Variants in FTO observed in about 807,000 individuals in gnomAD.
FTO encodes the protein FTO alpha-ketoglutarate dependent dioxygenase, also known as alpha-ketoglutarate-dependent dioxygenase FTO.
FTO carries 47 observed loss-of-function variants against 63.9 expected under a neutral mutation model. That is an observed-to-expected ratio of 0.74 (90% CI 0.58 to 0.94). The LOEUF (loss-of-function observed/expected upper bound fraction) is 0.94, where lower values mean the gene tolerates loss of function less well. Ranked by LOEUF, FTO falls within the 40% of genes least tolerant of loss-of-function variation. FTO has a pLI of 0.00. For synonymous variants in FTO, 207 were observed against 224.4 expected, an observed-to-expected ratio of 0.92 and a Z score of 0.69; for missense variants, 562 against 618.1, an observed-to-expected ratio of 0.91 and a Z score of 0.96.
At position 53,768,607 on chromosome 16, in the gene FTO, G is replaced by A. The variant is rs72803671; in HGVS notation, c.46-41533G>A. Among the ~76,000 whole-genome samples, 730 of 152,288 alleles carry A rather than the reference G, an allele frequency of 4.8e-3. 3 individuals carry two copies. Among genetic ancestry groups the A allele is most frequent in the Non-Finnish European group, 8.2e-3 (556 of 68,016 alleles). On this transcript the variant is annotated intron_variant, in intron 1 of 8. Coordinates refer to ENST00000471389, the MANE Select transcript of FTO (RefSeq NM_001080432.3). ...CGTGTAGCAGGACCTTGGTGGGATG[G>A]ATAGGCAGCTTTGTAAGTGGAGAAA...
At chr16:53,867,529 T>TGTGTGTGTGTG (rs1598864565) in intron 4 of FTO, among the ~76,000 whole-genome samples, 2 of 133,032 alleles carry the variant, frequency 1.5e-5, no homozygotes, top group Non-Finnish European at 1.6e-5. Context: ...GTGTGTGTGT[T>TGTGTGTGTGTG]TGTGTGTACC....
intron 3 of FTO, among the ~76,000 whole-genome samples, chr16:53,831,931 C>G (rs2079155845): frequency 6.6e-6 from 1 of 152,042 alleles, no homozygotes; most frequent in African/African-American, 2.4e-5. Flanking sequence ...TGTTAGAATA[C>G]AAAGTAGTAG....
chr16:53,840,673 C>G (rs1367188270), intron 3 of FTO, among the ~76,000 whole-genome samples: 1 of 152,174 alleles, frequency 6.6e-6, no homozygotes, highest in Non-Finnish European at 1.5e-5. Flanking sequence ...GGTCACGGGA[C>G]TGATTTGCCT....
chr16:53,984,869 C>T (rs959164279), intron 8 of FTO: 15 of 451,820 alleles, frequency 3.3e-5, no homozygotes, highest in Non-Finnish European at 5.3e-5. Context: ...GTTTAGCTGT[C>T]GCTTTTTCTC....
At chr16:53,947,143 A>T (rs1191912225) in intron 8 of FTO, among the ~76,000 whole-genome samples, 1 of 152,194 alleles carries the variant, frequency 6.6e-6, no homozygotes, top group Non-Finnish European at 1.5e-5. Flanking sequence ...TTGCTGCTGC[A>T]CTGTGAAGGA....
At chr16:53,987,032 G>A (rs536021095) in intron 8 of FTO, among the ~76,000 whole-genome samples, 7 of 152,022 alleles carry the variant, frequency 4.6e-5, no homozygotes, top group East Asian at 1.9e-4. Flanking sequence ...GTAATACCAC[G>A]CAGATGTAAA....
At chr16:53,948,402 T>C (rs1459759091) in intron 8 of FTO, among the ~76,000 whole-genome samples, 1 of 152,220 alleles carries the variant, frequency 6.6e-6, no homozygotes, top group Non-Finnish European at 1.5e-5. Context: ...TAATCATGTA[T>C]GTAGATAAAG....
chr16:53,774,566 A>T (rs770760632), intron 1 of FTO, among the ~76,000 whole-genome samples: 1 of 152,110 alleles, frequency 6.6e-6, no homozygotes, highest in African/African-American at 2.4e-5. Flanking sequence ...CTGTGTATCA[A>T]CTATTTTCAC....
intron 1 of FTO, among the ~76,000 whole-genome samples, chr16:53,764,700 A>C (rs1178482971): frequency 1.3e-5 from 2 of 151,974 alleles, no homozygotes; most frequent in Non-Finnish European, 2.9e-5. Context: ...ATATAGGGCA[A>C]ATAAAAATTG....
At chr16:54,011,534 C>T (rs1272788284) in intron 8 of FTO, among the ~76,000 whole-genome samples, 1 of 152,068 alleles carries the variant, frequency 6.6e-6, no homozygotes, top group Admixed American at 6.6e-5. Context: ...CTGGGCTTCA[C>T]TTTCTTGTGT....
Position 54,115,553 on chromosome 16 carries a change from G to T in FTO, c.*3638G>T. ...CCTTGATCAGGCTGTGGGGAAGGGA[G>T]GTGGTTGGGAAGAGCTTCCCAGGAA... is the stretch of plus-strand genomic sequence containing the variant. On this transcript the variant is annotated 3_prime_UTR_variant, in exon 9 of 9. Transcript: ENST00000471389. The T allele has an allele frequency of 6.6e-6, 1 of 152,436 alleles. No homozygotes were observed. Among genetic ancestry groups the T allele is most frequent in the Non-Finnish European group, 1.5e-5 (1 of 68,140 alleles). The allele number at this position is 152,436 out of a possible 1,614,324, so 9.4% of individuals were successfully genotyped here. A position where few individuals can be genotyped will look rare whatever the true frequency, so the allele number is the denominator to read the frequency against.
intron 4 of FTO, among the ~76,000 whole-genome samples, chr16:53,857,871 A>G (rs187621007): frequency 6.8e-4 from 104 of 152,332 alleles, no homozygotes; most frequent in Non-Finnish European, 9.1e-4. Flanking sequence ...TGTTTCTACA[A>G]GGAGACAAGT....
In FTO at chr16:53,747,780, A is replaced by G. The variant is rs113443020; in HGVS notation, c.45+43551A>G. Among the ~76,000 whole-genome samples the G allele has an allele frequency of 7.9e-3, 1,197 of 152,202 alleles. 15 individuals are homozygous for G. The highest frequency in any genetic ancestry group is 0.039 in the East Asian group (201 of 5,180). ...TAGTTTATCTACTATGTTGTCTTCT[A>G]GTAGTTTTGTAGTTTCAGGTCTTAT... On this transcript the variant is annotated intron_variant, in intron 1 of 8. Transcript: ENST00000471389.
intron 7 of FTO, among the ~76,000 whole-genome samples, chr16:53,891,139 C>T (rs968759330): frequency 2.0e-5 from 3 of 151,666 alleles, no homozygotes; most frequent in Admixed American, 6.6e-5. Context: ...AACAGGGGCC[C>T]GCCACCATGC....
At chr16:53,801,055 A>G (rs954884099) in intron 1 of FTO, among the ~76,000 whole-genome samples, 2 of 152,110 alleles carry the variant, frequency 1.3e-5, no homozygotes, top group Non-Finnish European at 2.9e-5. Context: ...CCAATTTGAC[A>G]GTTTCTCCCC....
At chr16:53,784,929 G>T (rs1466753021) in intron 1 of FTO, among the ~76,000 whole-genome samples, 1 of 152,092 alleles carries the variant, frequency 6.6e-6, no homozygotes, top group Non-Finnish European at 1.5e-5. Flanking sequence ...GTGAGGAGGG[G>T]TTGTGATTTA....
At chr16:53,901,822 T>C (rs2151927229) in intron 7 of FTO, among the ~76,000 whole-genome samples, 1 of 152,322 alleles carries the variant, frequency 6.6e-6, no homozygotes, top group Non-Finnish European at 1.5e-5. Context: ...AAGATGTTAA[T>C]TGTTGAGTGA....
chr16:53,991,991 TTC>T (rs1164781554), intron 8 of FTO: 1 of 152,166 alleles, frequency 6.6e-6, no homozygotes, highest in Admixed American at 6.5e-5. Context: ...CTTGCCTTGC[TTC>T]TCTCTGCCTC....
chr16:53,770,835 G>T (rs1402141052), intron 1 of FTO, among the ~76,000 whole-genome samples: 1 of 151,998 alleles, frequency 6.6e-6, no homozygotes, highest in Admixed American at 6.6e-5. Context: ...AGTCATTCTT[G>T]GCTTCTTGGA....
Sources: allele counts gnomAD v4.1 joint callset (sites outside exome capture counted in the v4.1 genomes callset), GRCh38; gene constraint gnomAD v4.1.1; transcripts MANE v1.5; gene names NCBI Gene and HGNC (gene_info 2026-07-23, HGNC 2026-07-21).